Variants in LRMDA observed in about 807,000 individuals in gnomAD.
LRMDA encodes leucine-rich melanocyte differentiation-associated protein.
Under a neutral mutation model 29.8 loss-of-function variants are expected in LRMDA, and 18 were observed. That is an observed-to-expected ratio of 0.60 (90% CI 0.42 to 0.90). The LOEUF is 0.90. Ranked by LOEUF, LRMDA falls within the 40% of genes least tolerant of loss-of-function variation. The pLI is 0.00. For missense variants in LRMDA, 273 were observed against 273.9 expected, an observed-to-expected ratio of 1.00 and a Z score of 0.02; for synonymous variants, 125 against 109.4, an observed-to-expected ratio of 1.14 and a Z score of -0.89.
At position 75,649,801 on chromosome 10, in the gene LRMDA, G is replaced by A. The variant is rs1841574018; in HGVS notation, c.131+211307G>A. ...AACTCTTCTTTTTGTTTGGGTGTGTGTGATGATGGCCATCTCAGTGAGTAT... is the reference window on the plus strand; with the variant it reads ...AACTCTTCTTTTTGTTTGGGTGTGTATGATGATGGCCATCTCAGTGAGTAT... On this transcript the variant is annotated intron_variant, in intron 2 of 6. Transcript: ENST00000611255. Among the ~76,000 whole-genome samples the A allele has an allele frequency of 5.3e-5, 8 of 152,172 alleles. No individual in the cohort carries two copies. The South Asian group carries it at 1.7e-3, about 32-fold the overall frequency.
At chr10:75,496,151 C>T (rs903908669) in intron 2 of LRMDA, among the ~76,000 whole-genome samples, 1 of 152,100 alleles carries the variant, frequency 6.6e-6, no homozygotes, top group Admixed American at 6.5e-5. Context: ...ATTTGAAATC[C>T]AGGAGTTTTA....
intron 6 of LRMDA, among the ~76,000 whole-genome samples, chr10:76,337,665 T>C (rs1202667742): frequency 6.6e-6 from 1 of 152,140 alleles, no homozygotes; most frequent in Non-Finnish European, 1.5e-5. Flanking sequence ...TGTTAAATGT[T>C]AAACCCAGGA....
chr10:76,332,624 T>C (rs1840918102), intron 6 of LRMDA, among the ~76,000 whole-genome samples: 1 of 152,220 alleles, frequency 6.6e-6, no homozygotes, highest in South Asian at 2.1e-4. Context: ...ATGCTCCCTT[T>C]ATCTTAACAA....
chr10:76,218,427 C>G (rs951461365), intron 5 of LRMDA, among the ~76,000 whole-genome samples: 1 of 152,158 alleles, frequency 6.6e-6, no homozygotes, highest in African/African-American at 2.4e-5. Flanking sequence ...AGCAGTTCTT[C>G]CCTGCAATGC....
At chr10:76,125,293 C>T (rs1048493779) in intron 5 of LRMDA, among the ~76,000 whole-genome samples, 6 of 152,132 alleles carry the variant, frequency 3.9e-5, no homozygotes, top group African/African-American at 7.2e-5. Context: ...TGTCTTCTTG[C>T]GTTCGGCTGT....
At chr10:76,112,935 C>A (rs1184616494) in intron 5 of LRMDA, among the ~76,000 whole-genome samples, 2 of 152,132 alleles carry the variant, frequency 1.3e-5, no homozygotes, top group Non-Finnish European at 2.9e-5. Context: ...TAAGTTTTGC[C>A]CCTGCCTTGG....
intron 2 of LRMDA, among the ~76,000 whole-genome samples, chr10:75,645,126 A>G (rs1329179436): frequency 3.3e-5 from 5 of 151,724 alleles, no homozygotes; most frequent in Admixed American, 1.3e-4. Context: ...GGGACTACAG[A>G]TGTGCACCAC....
chr10:76,534,009 T>C (rs1396643612), intron 6 of LRMDA, among the ~76,000 whole-genome samples: 1 of 152,228 alleles, frequency 6.6e-6, no homozygotes, highest in Non-Finnish European at 1.5e-5. Context: ...CATTGACCTA[T>C]GAATACGTAC....
At chr10:76,017,993 GTGAAGACTGACA>G (rs2132487533) in intron 2 of LRMDA, among the ~76,000 whole-genome samples, 1 of 152,296 alleles carries the variant, frequency 6.6e-6, no homozygotes, top group Non-Finnish European at 1.5e-5. Flanking sequence ...TACTTTCCTC[GTGAAGACTGACA>G]TCTGTGCCAT....
At chr10:75,908,373 G>A (rs1331264429) in intron 2 of LRMDA, among the ~76,000 whole-genome samples, 1 of 152,142 alleles carries the variant, frequency 6.6e-6, no homozygotes, top group African/African-American at 2.4e-5. Flanking sequence ...ATGTCTCTAG[G>A]CTGACCCATA....
rs145338539 is a variant in LRMDA at position 75,673,323 on chromosome 10, T to C, written c.131+234829T>C. On this transcript the variant is annotated intron_variant, in intron 2 of 6. Transcript: ENST00000611255. ...ACTGCATAGGTCTAGCTGGATGGTA[T>C]ACCGCTCCTGAAATGCTAAAATCAG... Among the ~76,000 whole-genome samples the C allele has an allele frequency of 3.3e-5, 5 of 152,332 alleles. No homozygotes were observed. The East Asian group carries it at 9.7e-4, about 29-fold the overall frequency.
intron 2 of LRMDA, among the ~76,000 whole-genome samples, chr10:75,623,350 G>A (rs1386958755): frequency 6.6e-6 from 1 of 152,148 alleles, no homozygotes; most frequent in East Asian, 1.9e-4. Flanking sequence ...AAGAAGAATG[G>A]ATGGGCTACT....
At chr10:75,495,961 G>GC (rs1845040569) in intron 2 of LRMDA, among the ~76,000 whole-genome samples, 1 of 152,180 alleles carries the variant, frequency 6.6e-6, no homozygotes, top group African/African-American at 2.4e-5. Flanking sequence ...TTACAAGTCA[G>GC]CCCATCTGCT....
rs1181851563 is a variant in LRMDA, at chr10:76,007,009, T to C, written c.132-28999T>C. Among the ~76,000 whole-genome samples, 11 of 110,532 alleles carry C rather than the reference T, an allele frequency of 1.0e-4. 1 individual carries two copies. Among genetic ancestry groups the C allele is most frequent in the African/African-American group, 2.0e-4 (6 of 30,508 alleles). The allele number at this position is 110,532 out of a possible 152,430, so 72.5% of individuals were successfully genotyped here. On this transcript the variant is annotated intron_variant, in intron 2 of 6. Transcript: ENST00000611255. ...GTGTGTGTGTGTGTGTGTGTGTGTG[T>C]GTGTGTGTGTGTGTGTGTGTGTGCG...
At chr10:76,397,633 G>A (rs916096008) in intron 6 of LRMDA, among the ~76,000 whole-genome samples, 1 of 152,198 alleles carries the variant, frequency 6.6e-6, no homozygotes, top group African/African-American at 2.4e-5. Context: ...TCGCTTCCTG[G>A]TGCTGGTGGT....
At chr10:76,140,062 T>C (rs551858293) in intron 5 of LRMDA, among the ~76,000 whole-genome samples, 1 of 152,248 alleles carries the variant, frequency 6.6e-6, no homozygotes, top group East Asian at 1.9e-4. Context: ...GTTTAAGCTC[T>C]GTTCCAATCT....
intron 2 of LRMDA, among the ~76,000 whole-genome samples, chr10:75,760,241 G>A (rs1235857883): frequency 6.6e-6 from 1 of 152,186 alleles, no homozygotes; most frequent in Non-Finnish European, 1.5e-5. Context: ...CCTATTGAAA[G>A]CCATCAATAG....
At chr10:75,782,643 G>A in intron 2 of LRMDA, 1 of 900,090 alleles carries the variant, frequency 1.1e-6, no homozygotes, top group South Asian at 3.6e-5. Flanking sequence ...CATGTTCTGA[G>A]CTTCTTTTGA....
At chr10:75,819,231 G>A (rs142664078) in intron 2 of LRMDA, among the ~76,000 whole-genome samples, 140 of 152,292 alleles carry the variant, frequency 9.2e-4, no homozygotes, top group African/African-American at 3.2e-3. Context: ...AGAGCAAGGT[G>A]GGAAAGTGGC....
Sources: gnomAD v4.1 joint callset for allele counts (sites outside exome capture counted in the v4.1 genomes callset) on GRCh38, gnomAD v4.1.1 for gene constraint, MANE v1.5 for transcripts, NCBI Gene and HGNC (gene_info 2026-07-23, HGNC 2026-07-21) for gene names.